The following C4orf51 variants were observed in gnomAD, a reference collection of about 807,000 sequenced individuals.
The protein encoded by C4orf51 is chromosome 4 open reading frame 51.
Under a neutral mutation model 25.2 loss-of-function variants are expected in C4orf51, and 25 were observed. The ratio of observed to expected loss-of-function variants is 0.99; its 90% CI spans 0.72 to 1.39. C4orf51 has a LOEUF of 1.39. C4orf51 is among the 40% of genes most tolerant of loss of function. The probability of loss-of-function intolerance (pLI) is 0.00; values close to 1 mark genes in which losing one functional copy is unlikely to be tolerated. For missense variants in C4orf51, 252 were observed against 239.6 expected, an observed-to-expected ratio of 1.05 and a Z score of -0.34; for synonymous variants, 100 against 84.5, an observed-to-expected ratio of 1.18 and a Z score of -1.01.
At chr4:145,751,088 G>A (rs1208506929) in intron 1 of C4orf51, among the ~76,000 whole-genome samples, 1 of 152,002 alleles carries the variant, frequency 6.6e-6, no homozygotes, top group African/African-American at 2.4e-5. Context: ...AAACAACTAT[G>A]TTGAATTCTT....
intron 3 of C4orf51, among the ~76,000 whole-genome samples, chr4:145,728,257 C>T (rs886950423): frequency 4.6e-5 from 7 of 151,804 alleles, no homozygotes; most frequent in African/African-American, 9.7e-5. Context: ...AAACTGGCCT[C>T]GTGCCCTAGT....
chr4:145,715,813 C>T (rs1429251062), intron 2 of C4orf51, among the ~76,000 whole-genome samples: 2 of 152,128 alleles, frequency 1.3e-5, no homozygotes, highest in Admixed American at 6.5e-5. Context: ...ATGTTCCATG[C>T]TGGAACAGTT....
At position 145,710,350 on chromosome 4, in the gene C4orf51, T is replaced by C. The variant is rs541822768; in HGVS notation, c.307+13718T>C. Among the ~76,000 whole-genome samples, 3 of 152,350 alleles carry C rather than the reference T, an allele frequency of 2.0e-5. No homozygotes were observed. In the South Asian group the frequency reaches 6.2e-4, roughly 32 times the overall value. Reference sequence around the variant, plus strand: ...CCAACAGGTGACTTGAAAGATCTGATGTGCAGCTTGACATTTTGACTTGGG... The same window carrying C: ...CCAACAGGTGACTTGAAAGATCTGACGTGCAGCTTGACATTTTGACTTGGG... On this transcript the variant is annotated intron_variant, in intron 2 of 5. Transcript: ENST00000438731.
chr4:145,703,655 T>A (rs1730610193), intron 2 of C4orf51, among the ~76,000 whole-genome samples: 1 of 152,228 alleles, frequency 6.6e-6, no homozygotes. Flanking sequence ...TTGCTATTGA[T>A]GTTATATCTA....
chr4:145,766,760 A>T (rs1735366593), intron 1 of C4orf51, among the ~76,000 whole-genome samples: 1 of 152,226 alleles, frequency 6.6e-6, no homozygotes, highest in African/African-American at 2.4e-5. Flanking sequence ...CCCGGCACTT[A>T]GAGAGGGCTA....
chr4:145,692,701 A>C (rs1729665176), intron 1 of C4orf51, among the ~76,000 whole-genome samples: 1 of 152,172 alleles, frequency 6.6e-6, no homozygotes, highest in Non-Finnish European at 1.5e-5. Flanking sequence ...TGCCTCACAG[A>C]GTTACAGGTT....
rs993261132 is a variant in C4orf51, at chr4:145,732,648, C to G, written c.*88C>G. Reference sequence around the variant, plus strand: ...TGGGGCCCTCCCAACACCCTCCCCCCACCCGCCCCGCCCAGGAACGTCTGG... The same window carrying G: ...TGGGGCCCTCCCAACACCCTCCCCCGACCCGCCCCGCCCAGGAACGTCTGG... On this transcript the variant is annotated 3_prime_UTR_variant, in exon 6 of 6. Transcript: ENST00000438731. The G allele has an allele frequency of 7.4e-6, 6 of 811,796 alleles. No homozygotes were observed. Among genetic ancestry groups the G allele is most frequent in the East Asian group, 5.6e-5 (2 of 36,012 alleles). The allele number at this position is 811,796 out of a possible 1,614,324, so 50.3% of individuals were successfully genotyped here.
downstream of C4orf51, among the ~76,000 whole-genome samples, chr4:145,774,041 G>A (rs1736669539): frequency 2.6e-5 from 4 of 152,140 alleles, no homozygotes; most frequent in South Asian, 8.3e-4. Context: ...TGAAACTAGT[G>A]ACCACAGCAA....
At chr4:145,727,895 G>GTGTATATATATATATA (rs529040880) in intron 3 of C4orf51, among the ~76,000 whole-genome samples, 6 of 101,618 alleles carry the variant, frequency 5.9e-5, no homozygotes, top group South Asian at 3.0e-4. Flanking sequence ...AAAAAAATGT[G>GTGTATATATATATATA]TATATATATA....
Position 145,731,564 on chromosome 4 carries a change from C to CTT in C4orf51, c.502-857_502-856dup, listed in dbSNP as rs398051305. ...TTTTTATTTATGAGACAAGGCAAAT[C>CTT]TTTTTTTTTTTTTTTTTTTTTTTTT... is the stretch of plus-strand genomic sequence containing the variant. On this transcript the variant is annotated intron_variant, in intron 5 of 5. Transcript: ENST00000438731. 1.5e-3 allele frequency among the ~76,000 whole-genome samples: 66 copies of CTT among 43,878 alleles called. 1 individual carries two copies. The highest frequency in any genetic ancestry group is 2.5e-3 in the East Asian group (3 of 1,206). 28.8% of individuals were successfully genotyped at this position (43,878 alleles called of 152,430 possible).
downstream of C4orf51, among the ~76,000 whole-genome samples, chr4:145,771,679 T>A (rs1560899506): frequency 6.6e-6 from 1 of 152,144 alleles, no homozygotes; most frequent in Non-Finnish European, 1.5e-5. Context: ...CCCTTTAACA[T>A]AACCACTCAC....
rs942127864 is a variant in C4orf51, at chr4:145,703,392, A to C, written c.307+6760A>C. 1.1e-4 allele frequency among the ~76,000 whole-genome samples: 16 copies of C among 151,298 alleles called. No individual in the cohort carries two copies. In the East Asian group the frequency reaches 2.0e-3, roughly 18 times the overall value. The stretch of plus-strand genomic sequence containing the variant: ...ATCCTATAAAACGGCCCCACCCTTA[A>C]CTCCCTTCACTGACTCTCTTTTCGG... On this transcript the variant is annotated intron_variant, in intron 2 of 5. Coordinates refer to ENST00000438731, the MANE Select transcript of C4orf51 (RefSeq NM_001080531.3).
chr4:145,715,761 T>C (rs1731377353), intron 2 of C4orf51, among the ~76,000 whole-genome samples: 2 of 152,164 alleles, frequency 1.3e-5, no homozygotes, highest in Admixed American at 1.3e-4. Flanking sequence ...TGGCTTCCAT[T>C]TGCCTACTAA....
chr4:145,777,652 A>G, the C4orf51 span, among the ~76,000 whole-genome samples: 2 of 152,040 alleles, frequency 1.3e-5, no homozygotes. Context: ...AACTTTGAGT[A>G]TTTTTGCTTC....
chr4:145,782,052 G>A, the C4orf51 span, among the ~76,000 whole-genome samples: 3 of 152,326 alleles, frequency 2.0e-5, no homozygotes, highest in Admixed American at 1.3e-4. Context: ...AAGAATCCCC[G>A]GAGTCGCAGT....
intron 2 of C4orf51, among the ~76,000 whole-genome samples, chr4:145,710,191 T>A (rs1731055149): frequency 6.6e-6 from 1 of 152,150 alleles, no homozygotes; most frequent in African/African-American, 2.4e-5. Flanking sequence ...ACTCTTGCCT[T>A]CTCAAAAGAA....
rs183150979 is a variant in C4orf51, at chr4:145,682,088, T to A, written c.233+1652T>A. 1.8e-3 allele frequency among the ~76,000 whole-genome samples: 276 copies of A among 152,328 alleles called. 2 individuals carry two copies. The highest frequency in any genetic ancestry group is 3.3e-3 in the Non-Finnish European group (222 of 68,018). Reference sequence around the variant, plus strand: ...AGGAATAGGACATCTGGTGAAAATGTATAGGACCTGGAATTTTTTCCTATT... The same window carrying A: ...AGGAATAGGACATCTGGTGAAAATGAATAGGACCTGGAATTTTTTCCTATT... On this transcript the variant is annotated intron_variant, in intron 1 of 5. Coordinates refer to ENST00000438731, the MANE Select transcript of C4orf51 (RefSeq NM_001080531.3).
chr4:145,697,892 A>G (rs1276163990), intron 2 of C4orf51, among the ~76,000 whole-genome samples: 3 of 152,234 alleles, frequency 2.0e-5, no homozygotes, highest in African/African-American at 7.2e-5. Flanking sequence ...GTTGGATCAT[A>G]TAGTAATTCT....
rs1734611187 is a variant in C4orf51, at chr4:145,762,130, A to G, written n.167-8858A>G. Among the ~76,000 whole-genome samples the G allele has an allele frequency of 6.6e-6, 1 of 152,162 alleles. No individual in the cohort carries two copies. Among genetic ancestry groups the G allele is most frequent in the Non-Finnish European group, 1.5e-5 (1 of 68,024 alleles). ...GCAAACAGAAAGTCACAGGGGTCAG[A>G]ATCGTGCTTATTAAGGGTTTGTTAG... On this transcript the variant is annotated intron_variant and non_coding_transcript_variant, in intron 1 of 1. Coordinates refer to the C4orf51 transcript ENST00000510096. The surrounding 1 kb of genome is among the most constrained non-coding windows in gnomAD (Gnocchi z 4.9).
Sources: gnomAD v4.1 joint callset for allele counts (sites outside exome capture counted in the v4.1 genomes callset) on GRCh38, gnomAD v4.1.1 for gene constraint, Gnocchi (gnomAD v3.1) non-coding constraint, MANE v1.5 for transcripts, NCBI Gene and HGNC (gene_info 2026-07-23, HGNC 2026-07-21) for gene names.